The following IQCM variants were observed in gnomAD, a reference collection of about 807,000 sequenced individuals.
IQCM encodes the protein IQ motif containing M.
Under a neutral mutation model 57.6 loss-of-function variants are expected in IQCM, and 45 were observed. That is an observed-to-expected ratio of 0.78 (90% confidence interval 0.62 to 1.00). The LOEUF is 1.00. Ranked by LOEUF, IQCM falls within the 50% of genes least tolerant of loss-of-function variation. The probability of loss-of-function intolerance (pLI) is 0.00; values close to 1 mark genes in which losing one functional copy is unlikely to be tolerated. For synonymous variants in IQCM, 148 were observed against 158.9 expected (o/e 0.93, Z 0.51); for missense variants, 468 against 511.6 (o/e 0.91, Z 0.82).
At chr4:149,684,659 G>A (rs1762423765) in intron 6 of IQCM, among the ~76,000 whole-genome samples, 1 of 150,996 alleles carries the variant, frequency 6.6e-6, no homozygotes, top group Admixed American at 6.6e-5. Context: ...TCTTCATTAT[G>A]TGGTGAACTC....
intron 3 of IQCM, among the ~76,000 whole-genome samples, chr4:149,736,773 G>T (rs1370319697): frequency 6.6e-6 from 1 of 152,164 alleles, no homozygotes; most frequent in Non-Finnish European, 1.5e-5. Flanking sequence ...TTTGGAAAAG[G>T]TATGGCAATC....
At chr4:149,660,827 T>A (rs1362495237) in intron 7 of IQCM, among the ~76,000 whole-genome samples, 2 of 150,242 alleles carry the variant, frequency 1.3e-5, no homozygotes, top group Non-Finnish European at 3.0e-5. Flanking sequence ...CTCTAGGGAC[T>A]GTTGTGGGGT....
chr4:149,520,599 A>G (rs965508682), intron 12 of IQCM, among the ~76,000 whole-genome samples: 2 of 152,182 alleles, frequency 1.3e-5, no homozygotes, highest in Non-Finnish European at 2.9e-5. Flanking sequence ...AAAATGTACC[A>G]TCTCAAGGGG....
rs1024743630 is a variant in IQCM at position 149,658,036 on chromosome 4, G to GT, written c.565+24081dup. Among the ~76,000 whole-genome samples, 475 of 149,946 alleles carry GT rather than the reference G, an allele frequency of 3.2e-3. 1 individual carries two copies. Among genetic ancestry groups the GT allele is most frequent in the African/African-American group, 9.4e-3 (386 of 40,866 alleles). ...TTTCAATTTGATGTAATCATATTTG[G>GT]TTTTTTTTTGCTTTTGTTCCCTGTG... On this transcript the variant is annotated intron_variant, in intron 7 of 13. Transcript: ENST00000636793.
At chr4:149,478,061 A>G (rs1740390464) in intron 12 of IQCM, among the ~76,000 whole-genome samples, 1 of 152,218 alleles carries the variant, frequency 6.6e-6, no homozygotes, top group African/African-American at 2.4e-5. Context: ...TTGTGGAATT[A>G]GACAAGTAAA....
At chr4:149,694,682 G>A (rs1281371133) in intron 5 of IQCM, among the ~76,000 whole-genome samples, 2 of 152,136 alleles carry the variant, frequency 1.3e-5, no homozygotes, top group African/African-American at 2.4e-5. Context: ...GAAATTCAGT[G>A]TCAGAAAAGG....
chr4:149,441,412 A>G (rs573337561), intron 12 of IQCM, among the ~76,000 whole-genome samples: 8 of 152,260 alleles, frequency 5.3e-5, no homozygotes, highest in Non-Finnish European at 1.0e-4. Context: ...AAATAAAAAG[A>G]AAAAGGGTTA....
chr4:149,719,143 G>A (rs567182117), intron 5 of IQCM, among the ~76,000 whole-genome samples: 1 of 151,972 alleles, frequency 6.6e-6, no homozygotes, highest in Non-Finnish European at 1.5e-5. Context: ...TCAGGAGTTC[G>A]AGACCAGCCT....
chr4:149,756,042 T>C (rs1768928129), intron 2 of IQCM, among the ~76,000 whole-genome samples: 1 of 152,202 alleles, frequency 6.6e-6, no homozygotes, highest in African/African-American at 2.4e-5. Context: ...CTGGGACAGT[T>C]TGATGAATAA....
intron 8 of IQCM, among the ~76,000 whole-genome samples, chr4:149,603,818 T>C (rs1754532706): frequency 6.6e-6 from 1 of 152,044 alleles, no homozygotes; most frequent in Non-Finnish European, 1.5e-5. Flanking sequence ...GTAGACAACA[T>C]CCTAAATTCA....
intron 8 of IQCM, among the ~76,000 whole-genome samples, chr4:149,612,698 C>T (rs936288653): frequency 6.9e-6 from 1 of 145,422 alleles, no homozygotes; most frequent in Non-Finnish European, 1.6e-5. Context: ...TAACTGTAAA[C>T]TACATAAATT....
intron 8 of IQCM, among the ~76,000 whole-genome samples, chr4:149,591,256 A>G (rs1753133367): frequency 6.6e-6 from 1 of 151,946 alleles, no homozygotes; most frequent in Non-Finnish European, 1.5e-5. Flanking sequence ...ATATCATTGG[A>G]TGATTTTTTC....
At chr4:149,804,270 C>G (rs1295030672) in intron 2 of IQCM, among the ~76,000 whole-genome samples, 4 of 152,052 alleles carry the variant, frequency 2.6e-5, no homozygotes, top group African/African-American at 9.7e-5. Flanking sequence ...ACCATGACAA[C>G]CTAGTAGAGC....
chr4:149,379,180 C>G (rs1730903251), intron 13 of IQCM, among the ~76,000 whole-genome samples: 1 of 152,236 alleles, frequency 6.6e-6, no homozygotes, highest in African/African-American at 2.4e-5. Flanking sequence ...GGAGCAGACA[C>G]TGATGGAGAA....
chr4:149,742,311 G>T (rs1580177028), intron 3 of IQCM, among the ~76,000 whole-genome samples: 3 of 152,076 alleles, frequency 2.0e-5, no homozygotes, highest in Admixed American at 2.0e-4. Flanking sequence ...GCCCAAATTT[G>T]TTCCAAACAT....
chr4:149,359,442 T>C (rs1171218165), intron 13 of IQCM, among the ~76,000 whole-genome samples: 2 of 152,166 alleles, frequency 1.3e-5, no homozygotes, highest in African/African-American at 4.8e-5. Context: ...TATGTAAAAA[T>C]AGCAATATTA....
chr4:149,784,645 A>T (rs752764507), intron 2 of IQCM, among the ~76,000 whole-genome samples: 3 of 151,944 alleles, frequency 2.0e-5, no homozygotes, highest in Non-Finnish European at 4.4e-5. Context: ...GCATCTCCTG[A>T]CCTCGTGATC....
intron 9 of IQCM, among the ~76,000 whole-genome samples, chr4:149,579,139 T>A (rs1751934366): frequency 6.6e-6 from 1 of 151,770 alleles, no homozygotes; most frequent in African/African-American, 2.4e-5. Context: ...TCATATTACA[T>A]GCAGGAGTCA....
intron 8 of IQCM, among the ~76,000 whole-genome samples, chr4:149,611,478 T>C (rs1039458600): frequency 5.9e-5 from 9 of 152,108 alleles, no homozygotes; most frequent in African/African-American, 2.2e-4. Context: ...ATGGTACATA[T>C]ACACAATAGA....
Sources: gnomAD v4.1 joint callset for allele counts (sites outside exome capture counted in the v4.1 genomes callset) on GRCh38, gnomAD v4.1.1 for gene constraint, MANE v1.5 for transcripts, NCBI Gene and HGNC (gene_info 2026-07-23, HGNC 2026-07-21) for gene names.